Variants in PPP1R13B observed in about 807,000 individuals in gnomAD.
The protein encoded by PPP1R13B is apoptosis-stimulating of p53 protein 1.
A neutral mutation model predicts 119.8 loss-of-function variants in PPP1R13B; 44 were observed. The ratio of observed to expected loss-of-function variants is 0.37; its 90% confidence interval spans 0.29 to 0.47. The LOEUF (loss-of-function observed/expected upper bound fraction) is 0.47. Among genes scored for constraint, PPP1R13B ranks in the 20% least tolerant of loss-of-function variants. The probability of loss-of-function intolerance (pLI) is 0.99; values close to 1 mark genes in which losing one functional copy is unlikely to be tolerated. For synonymous variants in PPP1R13B, 542 were observed against 561.5 expected, an observed-to-expected ratio of 0.97 and a Z score of 0.49; for missense variants, 1,227 against 1,413.5, an observed-to-expected ratio of 0.87 and a Z score of 2.12.
rs773302450 is a variant in PPP1R13B, at chr14:103,778,758, C to G, written c.341G>C (p.Arg114Pro). 19 of 1,613,126 alleles carry G rather than the reference C, an allele frequency of 1.2e-5. No homozygotes were observed. Among genetic ancestry groups the G allele is most frequent in the Middle Eastern group, 1.6e-4 (1 of 6,076 alleles). Residue 114 changes from arginine (R) to proline (P), a missense_variant, in exon 4 of 17, where the codon CGT becomes CCT. Physicochemically the swap from Arg to Pro is moderately radical, Grantham distance 103 (BLOSUM62 -2). Transcript: ENST00000202556. ...ACTGTCACTTACCCCATTTTCAGTA[C>G]GTTTTTCTCCAGGTACATTTATTAC... ...RNVINVPGEKRTENGVGNPRV... is the reference protein window; with the variant it reads ...RNVINVPGEKPTENGVGNPRV...
chr14:103,757,619 C>T (rs916665564), intron 5 of PPP1R13B, 31 bp downstream of exon 5: 1 of 1,594,500 alleles, frequency 6.3e-7, no homozygotes, highest in African/African-American at 1.3e-5. Context: ...ACTTTTTGAA[C>T]AATGTTTCAA....
intron 1 of PPP1R13B, among the ~76,000 whole-genome samples, chr14:103,831,136 G>A (rs1169997786): frequency 6.6e-6 from 1 of 151,486 alleles, no homozygotes; most frequent in Non-Finnish European, 1.5e-5. Context: ...GTAGAGATGG[G>A]GTTTCACCAC....
intron 2 of PPP1R13B, among the ~76,000 whole-genome samples, chr14:103,789,946 A>C (rs1462408856): frequency 6.6e-6 from 1 of 152,156 alleles, no homozygotes; most frequent in East Asian, 1.9e-4. Flanking sequence ...ACTTATACCC[A>C]CATTCAAAAG....
chr14:103,814,951 AAAAAC>A (rs1247108502), intron 1 of PPP1R13B, among the ~76,000 whole-genome samples: 1 of 152,206 alleles, frequency 6.6e-6, no homozygotes, highest in Non-Finnish European at 1.5e-5. Context: ...TCTCACAAAA[AAAAAC>A]AAAAGGAAAG....
rs895954752 is a variant in PPP1R13B, at chr14:103,755,059, G to A, written c.457-815C>T. Among the ~76,000 whole-genome samples the A allele has an allele frequency of 2.0e-5, 3 of 151,770 alleles. No individual in the cohort carries two copies. The South Asian group carries it at 6.2e-4, about 32-fold the overall frequency. ...GGCCTCCCAAAGTGCTGGGATTACA[G>A]GCGTGAGCCACCGCGCCCGGTGAGA... On this transcript the variant is annotated intron_variant, in intron 5 of 16. Coordinates refer to ENST00000202556, the MANE Select transcript of PPP1R13B (RefSeq NM_015316.3).
chr14:103,784,042 G>A lies in PPP1R13B; in HGVS notation c.277+753C>T, dbSNP rs752653524. Among the ~76,000 whole-genome samples, 15 of 152,066 alleles carry A rather than the reference G, an allele frequency of 9.9e-5. No homozygotes were observed. The East Asian group carries it at 1.7e-3, about 18-fold the overall frequency. ...CCAAAAACAATCCCTTTAGTGTGGC[G>A]GTGGGTGCCTGTAATCCCAACTACT... On this transcript the variant is annotated intron_variant, in intron 3 of 16. Transcript: ENST00000202556.
chr14:103,798,796 A>C (rs963690919), intron 1 of PPP1R13B, among the ~76,000 whole-genome samples: 1 of 149,772 alleles, frequency 6.7e-6, no homozygotes, highest in East Asian at 2.0e-4. Context: ...TCTGCCTCCT[A>C]GACTCCAGAG....
At chr14:103,793,678 T>C (rs560530056) in intron 2 of PPP1R13B, among the ~76,000 whole-genome samples, 25 of 152,052 alleles carry the variant, frequency 1.6e-4, no homozygotes, top group Middle Eastern at 3.4e-3. Flanking sequence ...ATAAGACTTT[T>C]AGGAACTTTA....
chr14:103,756,808 G>C (rs2084688339), intron 5 of PPP1R13B, among the ~76,000 whole-genome samples: 1 of 151,794 alleles, frequency 6.6e-6, no homozygotes, highest in South Asian at 2.1e-4. Context: ...GCTCAGGCTA[G>C]AGTGCAGTGG....
intron 16 of PPP1R13B, 77 bp downstream of exon 16, chr14:103,735,926 C>T: frequency 1.3e-6 from 2 of 1,501,246 alleles, no homozygotes; most frequent in Non-Finnish European, 1.8e-6. Flanking sequence ...CCCTCCCCAG[C>T]CCCACAGCAG....
At chr14:103,746,894 G>C (rs2084398928) in intron 8 of PPP1R13B, 1 of 174,642 alleles carries the variant, frequency 5.7e-6, no homozygotes, top group Non-Finnish European at 1.2e-5. Context: ...GTCAAATCCT[G>C]GGCTCTGAGC....
Position 103,734,917 on chromosome 14 carries a change from A to C in PPP1R13B, c.*237T>G. 1 of 659,426 alleles carries C rather than the reference A, an allele frequency of 1.5e-6. No homozygotes were observed. Among genetic ancestry groups the C allele is most frequent in the South Asian group, 1.5e-5 (1 of 65,794 alleles). 40.8% of individuals were successfully genotyped at this position (659,426 alleles called of 1,614,324 possible). ...GTTTTGAAAGTGGGTATTTATTTGG[A>C]TTTATAGTAATTGGCAAAATTCAGT... On this transcript the variant is annotated 3_prime_UTR_variant, in exon 17 of 17. Transcript: ENST00000202556.
intron 3 of PPP1R13B, 126 bp downstream of exon 3, chr14:103,784,669 C>T (rs4900594): frequency 0.43 from 335,707 of 775,530 alleles, 71,264 homozygotes; most frequent in East Asian, 0.44. Context: ...GGGATACCAA[C>T]TTTCCCTCTA....
chr14:103,760,990 C>T (rs901933350), intron 4 of PPP1R13B, among the ~76,000 whole-genome samples: 2 of 152,176 alleles, frequency 1.3e-5, no homozygotes, highest in Non-Finnish European at 2.9e-5. Context: ...GTCTTACATT[C>T]TATTTAATGT....
At chr14:103,735,903 A>C in intron 16 of PPP1R13B, 100 bp downstream of exon 16, 1 of 1,315,992 alleles carries the variant, frequency 7.6e-7, no homozygotes, top group South Asian at 1.4e-5. Flanking sequence ...TGAGGCTCAG[A>C]GAAGCGAAGC....
At chr14:103,843,520 T>C (rs1806988591) in intron 1 of PPP1R13B, among the ~76,000 whole-genome samples, 1 of 152,222 alleles carries the variant, frequency 6.6e-6, no homozygotes, top group African/African-American at 2.4e-5. Flanking sequence ...ACAAAAAGTA[T>C]TATTTAAATG....
chr14:103,814,373 T>A (rs2086229495), intron 1 of PPP1R13B, among the ~76,000 whole-genome samples: 1 of 151,628 alleles, frequency 6.6e-6, no homozygotes, highest in Admixed American at 6.6e-5. Context: ...AATAAATAAA[T>A]AAAATAATAA....
intron 1 of PPP1R13B, among the ~76,000 whole-genome samples, chr14:103,836,108 C>T (rs947567720): frequency 5.3e-5 from 8 of 151,022 alleles, no homozygotes; most frequent in Admixed American, 2.0e-4. Flanking sequence ...TGCAGAGGCA[C>T]GATCTTAGCT....
chr14:103,845,906 T>C (rs1301567645), intron 1 of PPP1R13B, among the ~76,000 whole-genome samples: 1 of 152,222 alleles, frequency 6.6e-6, no homozygotes, highest in Non-Finnish European at 1.5e-5. Flanking sequence ...TAATAAATAT[T>C]TGTATGACAT....
Sources: allele counts gnomAD v4.1 joint callset (sites outside exome capture counted in the v4.1 genomes callset), GRCh38; gene constraint gnomAD v4.1.1; transcripts MANE v1.5; gene names NCBI Gene and HGNC (gene_info 2026-07-23, HGNC 2026-07-21).